STX8: variants seen among roughly 807,000 people sequenced by gnomAD.
The protein encoded by STX8 is syntaxin-8.
STX8 carries 23 observed loss-of-function variants against 37.5 expected under a neutral mutation model. That is an observed-to-expected ratio of 0.61 (90% CI 0.44 to 0.87). The LOEUF is 0.87. Ranked by LOEUF, STX8 falls within the 40% of genes least tolerant of loss-of-function variation. STX8 has a pLI of 0.00. For synonymous variants in STX8, 115 were observed against 99.1 expected (o/e 1.16, Z -0.95); for missense variants, 313 against 284.7 (o/e 1.10, Z -0.71).
intron 7 of STX8, among the ~76,000 whole-genome samples, chr17:9,282,701 A>G: frequency 6.6e-6 from 1 of 152,200 alleles, no homozygotes; most frequent in East Asian, 1.9e-4. Flanking sequence ...AAGTCAGCCA[A>G]TGGAACATAA....
At chr17:9,485,998 G>C (rs1052199715) in intron 6 of STX8, among the ~76,000 whole-genome samples, 1 of 152,166 alleles carries the variant, frequency 6.6e-6, no homozygotes, top group Non-Finnish European at 1.5e-5. Flanking sequence ...TAGATTGTAA[G>C]GGATGCCAAG....
chr17:9,458,794 C>T (rs1372318620), intron 6 of STX8, among the ~76,000 whole-genome samples: 1 of 151,328 alleles, frequency 6.6e-6, no homozygotes, highest in Non-Finnish European at 1.5e-5. Context: ...CGGCCAGGGT[C>T]TGATCAGGCG....
intron 4 of STX8, among the ~76,000 whole-genome samples, chr17:9,528,080 G>A (rs1905651525): frequency 6.6e-6 from 1 of 152,164 alleles, no homozygotes; most frequent in Non-Finnish European, 1.5e-5. Flanking sequence ...GTGAAGAAAA[G>A]TAAAATTACA....
chr17:9,350,489 C>T (rs985079472), intron 7 of STX8, among the ~76,000 whole-genome samples: 6 of 151,928 alleles, frequency 3.9e-5, no homozygotes, highest in African/African-American at 1.4e-4. Context: ...TCATATTTGC[C>T]TAATGCGACA....
At chr17:9,562,255 A>T (rs1907264500) in intron 2 of STX8, among the ~76,000 whole-genome samples, 1 of 151,844 alleles carries the variant, frequency 6.6e-6, no homozygotes, top group Non-Finnish European at 1.5e-5. Context: ...TACAAAAAAA[A>T]ATTAGCCGGG....
intron 6 of STX8, among the ~76,000 whole-genome samples, chr17:9,483,036 A>G (rs1906414305): frequency 6.6e-6 from 1 of 152,154 alleles, no homozygotes; most frequent in Non-Finnish European, 1.5e-5. Flanking sequence ...CAATTCACAA[A>G]AAGACACCAT....
At chr17:9,408,751 T>C (rs1912881147) in intron 6 of STX8, among the ~76,000 whole-genome samples, 1 of 152,164 alleles carries the variant, frequency 6.6e-6, no homozygotes, top group Admixed American at 6.5e-5. Flanking sequence ...GTAGACAATG[T>C]ATCTGGATTT....
chr17:9,288,662 G>GAAAT (rs1301586173), intron 7 of STX8, among the ~76,000 whole-genome samples: 1 of 149,542 alleles, frequency 6.7e-6, no homozygotes. Flanking sequence ...ACTCCGTCTC[G>GAAAT]AAATAAATAA....
intron 6 of STX8, among the ~76,000 whole-genome samples, chr17:9,429,773 AAC>A (rs199897209): frequency 0.14 from 2,410 of 16,938 alleles, 914 homozygotes; most frequent in African/African-American, 0.62. Context: ...TATTATATAT[AAC>A]ATATATATTT....
chr17:9,268,679 C>T (rs1907321430), intron 7 of STX8, among the ~76,000 whole-genome samples: 2 of 152,188 alleles, frequency 1.3e-5, no homozygotes, highest in Non-Finnish European at 2.9e-5. Flanking sequence ...AAACAGCTGG[C>T]ATTCCTAAGT....
chr17:9,375,810 A>G (rs567343968), intron 7 of STX8, among the ~76,000 whole-genome samples: 1 of 152,306 alleles, frequency 6.6e-6, no homozygotes, highest in East Asian at 1.9e-4. Context: ...TTTGAGGTCT[A>G]TATCTCTATT....
At chr17:9,452,249 TA>T (rs995055249) in intron 6 of STX8, 6 of 151,960 alleles carry the variant, frequency 3.9e-5, no homozygotes, top group African/African-American at 1.5e-4. Flanking sequence ...CTGAAACAAT[TA>T]GCTTTATTTT....
At chr17:9,556,327 T>C (rs1319294637) in intron 3 of STX8, among the ~76,000 whole-genome samples, 1 of 152,166 alleles carries the variant, frequency 6.6e-6, no homozygotes, top group Non-Finnish European at 1.5e-5. Context: ...TTTAGAGAAA[T>C]GATGAGAGAA....
At chr17:9,269,140 T>C (rs553669773) in intron 7 of STX8, among the ~76,000 whole-genome samples, 4 of 150,658 alleles carry the variant, frequency 2.7e-5, no homozygotes, top group Non-Finnish European at 4.4e-5. Flanking sequence ...TGAGCCGAGA[T>C]TGCGCCACTG....
At chr17:9,548,714 T>C (rs1375823962) in intron 3 of STX8, among the ~76,000 whole-genome samples, 1 of 152,160 alleles carries the variant, frequency 6.6e-6, no homozygotes, top group East Asian at 1.9e-4. Flanking sequence ...AGTGTTTACA[T>C]GAATTATTTG....
chr17:9,336,467 ACT>A (rs2142224749), intron 7 of STX8, among the ~76,000 whole-genome samples: 1 of 141,090 alleles, frequency 7.1e-6, no homozygotes, highest in Admixed American at 7.5e-5. Context: ...ATGGAGTCTC[ACT>A]CTGTGTCCCA....
At chr17:9,339,412 T>C (rs931250726) in intron 7 of STX8, among the ~76,000 whole-genome samples, 6 of 152,084 alleles carry the variant, frequency 3.9e-5, no homozygotes, top group African/African-American at 1.4e-4. Flanking sequence ...CCCAGCACTT[T>C]GGGAGGCCGA....
intron 7 of STX8, among the ~76,000 whole-genome samples, chr17:9,296,387 A>G (rs1908541848): frequency 6.6e-6 from 1 of 151,920 alleles, no homozygotes; most frequent in African/African-American, 2.4e-5. Context: ...AATCCCAGCT[A>G]CTTGGGAGGC....
chr17:9,444,226 C>T (rs9904482), intron 6 of STX8, among the ~76,000 whole-genome samples: 69,672 of 151,906 alleles, frequency 0.46, 16,360 homozygotes, highest in East Asian at 0.61. Context: ...CTGCCTCGAG[C>T]GGTCCTCCCA....
Sources: allele counts gnomAD v4.1 joint callset (sites outside exome capture counted in the v4.1 genomes callset), GRCh38; gene constraint gnomAD v4.1.1; transcripts MANE v1.5; gene names NCBI Gene and HGNC (gene_info 2026-07-23, HGNC 2026-07-21).